ARMH4: variants seen among roughly 807,000 people sequenced by gnomAD.
ARMH4 encodes the protein armadillo-like helical domain-containing protein 4.
Under a neutral mutation model 61.9 loss-of-function variants are expected in ARMH4, and 49 were observed. The observed-to-expected ratio is 0.79, with a 90% CI of 0.63 to 1.00. The LOEUF (loss-of-function observed/expected upper bound fraction) is 1.00. ARMH4 is among the 50% of genes least tolerant of loss of function. The probability of loss-of-function intolerance (pLI) is 0.00; values close to 1 mark genes in which losing one functional copy is unlikely to be tolerated. For missense variants in ARMH4, 934 were observed against 930.0 expected, an observed-to-expected ratio of 1.00 and a Z score of -0.06; for synonymous variants, 368 against 341.5, an observed-to-expected ratio of 1.08 and a Z score of -0.85.
chr14:58,020,602 G>T (rs1450357971), intron 5 of ARMH4, among the ~76,000 whole-genome samples: 1 of 152,066 alleles, frequency 6.6e-6, no homozygotes, highest in Non-Finnish European at 1.5e-5. Flanking sequence ...GGTGTGTGTG[G>T]GGTGAGGGGA....
At position 58,139,128 on chromosome 14, in the gene ARMH4, C is replaced by A; in HGVS notation, c.231G>T (p.Met77Ile). The change falls in exon 2 of 8, where the codon ATG becomes ATT. Residue 77 changes from methionine to isoleucine, a missense_variant. Met to Ile is a conservative substitution (Grantham distance 10). Coordinates refer to ENST00000267485, the MANE Select transcript of ARMH4 (RefSeq NM_001001872.4). ...QLVVSEDPMM[M>I]SAVPSATSLN... Reference sequence around the variant, plus strand: ...ATGATGTTGCCGATGGTACTGCTGACATCATCATTGGATCTTCAGAGACCA... The same window carrying A: ...ATGATGTTGCCGATGGTACTGCTGAAATCATCATTGGATCTTCAGAGACCA... 6.2e-7 allele frequency: 1 copy of A among 1,614,248 alleles called. No individual in the cohort carries two copies. The highest frequency in any genetic ancestry group is 1.1e-5 in the South Asian group (1 of 91,086).
chr14:58,100,395 C>G (rs1440819570), intron 4 of ARMH4, among the ~76,000 whole-genome samples: 1 of 152,130 alleles, frequency 6.6e-6, no homozygotes, highest in Non-Finnish European at 1.5e-5. Flanking sequence ...CCACATTCAG[C>G]TGCTTGGGCG....
At chr14:58,098,500 G>A (rs1020598653) in intron 4 of ARMH4, among the ~76,000 whole-genome samples, 5 of 152,184 alleles carry the variant, frequency 3.3e-5, no homozygotes, top group East Asian at 3.8e-4. Flanking sequence ...GATAGAAAAC[G>A]CCAGGCACTG....
intron 5 of ARMH4, among the ~76,000 whole-genome samples, chr14:58,061,097 C>T (rs987034962): frequency 9.2e-5 from 14 of 152,154 alleles, no homozygotes; most frequent in Non-Finnish European, 1.6e-4. Flanking sequence ...TGAGCTCCAA[C>T]TCCGTGAGGC....
intron 6 of ARMH4, among the ~76,000 whole-genome samples, chr14:58,008,356 T>C (rs1882264357): frequency 6.6e-6 from 1 of 152,222 alleles, no homozygotes; most frequent in African/African-American, 2.4e-5. Flanking sequence ...TGCACCATTC[T>C]TACTCTTGTA....
At chr14:58,007,704 G>A (rs533459248) in intron 6 of ARMH4, among the ~76,000 whole-genome samples, 1 of 152,256 alleles carries the variant, frequency 6.6e-6, no homozygotes, top group African/African-American at 2.4e-5. Flanking sequence ...AAGACAACAT[G>A]CACACAGTTT....
chr14:58,023,803 G>A (rs1045440534), intron 5 of ARMH4, among the ~76,000 whole-genome samples: 2 of 152,184 alleles, frequency 1.3e-5, no homozygotes, highest in Non-Finnish European at 2.9e-5. Context: ...CATTGTATTA[G>A]TAGGCATAAA....
chr14:58,028,537 A>G (rs970905783), intron 5 of ARMH4, among the ~76,000 whole-genome samples: 5 of 152,100 alleles, frequency 3.3e-5, no homozygotes, highest in African/African-American at 1.2e-4. Flanking sequence ...CCTTTCGCTG[A>G]GGGGCAGCTT....
intron 5 of ARMH4, among the ~76,000 whole-genome samples, chr14:58,030,213 AC>A (rs945496234): frequency 1.3e-5 from 2 of 152,066 alleles, no homozygotes; most frequent in African/African-American, 4.8e-5. Flanking sequence ...TATTCCATTC[AC>A]CCATACTTCA....
At chr14:58,041,325 T>C (rs546063929) in intron 5 of ARMH4, among the ~76,000 whole-genome samples, 1 of 152,270 alleles carries the variant, frequency 6.6e-6, no homozygotes, top group Non-Finnish European at 1.5e-5. Context: ...CAACCCAGAA[T>C]TTCATATCCA....
chr14:58,137,172 A>T (rs927400576), intron 2 of ARMH4, among the ~76,000 whole-genome samples: 1 of 152,130 alleles, frequency 6.6e-6, no homozygotes, highest in Non-Finnish European at 1.5e-5. Flanking sequence ...GGGTTTTTCA[A>T]CCTCAGCGCT....
intron 5 of ARMH4, among the ~76,000 whole-genome samples, chr14:58,012,424 G>A (rs1882444427): frequency 6.6e-6 from 1 of 152,120 alleles, no homozygotes; most frequent in African/African-American, 2.4e-5. Context: ...TTAGTGGGGA[G>A]GTGTGGGCAA....
chr14:58,040,639 C>T (rs1165309343), intron 5 of ARMH4, among the ~76,000 whole-genome samples: 1 of 152,094 alleles, frequency 6.6e-6, no homozygotes, highest in Non-Finnish European at 1.5e-5. Context: ...GTACTTGTGT[C>T]TTTATGATAG....
chr14:58,115,894 C>T (rs1235881367), intron 4 of ARMH4, among the ~76,000 whole-genome samples: 1 of 152,076 alleles, frequency 6.6e-6, no homozygotes, highest in Non-Finnish European at 1.5e-5. Flanking sequence ...ACAACAGACA[C>T]TGGGGCCTAC....
rs565194059 is a variant in ARMH4 at position 58,028,539 on chromosome 14, G to A, written c.2090-16389C>T. Among the ~76,000 whole-genome samples the A allele has an allele frequency of 4.6e-5, 7 of 152,258 alleles. No homozygotes were observed. In the East Asian group the frequency reaches 1.4e-3, roughly 29 times the overall value. ...CTTTTCCAGACCTCCTTTCGCTGAG[G>A]GGCAGCTTTTCCAGGGTGCCATCTT... is the stretch of plus-strand genomic sequence containing the variant. On this transcript the variant is annotated intron_variant, in intron 5 of 7. Coordinates refer to ENST00000267485, the MANE Select transcript of ARMH4 (RefSeq NM_001001872.4).
chr14:58,117,738 G>C (rs180693400), intron 4 of ARMH4, among the ~76,000 whole-genome samples: 2 of 151,800 alleles, frequency 1.3e-5, no homozygotes, highest in East Asian at 3.9e-4. Context: ...AAGTTATGTC[G>C]TGTATATGTT....
In ARMH4 at chr14:58,130,710, G is replaced by A. The variant is rs376495070; in HGVS notation, c.1831+802C>T. Among the ~76,000 whole-genome samples, 339 of 152,298 alleles carry A rather than the reference G, an allele frequency of 2.2e-3. 1 individual carries two copies. The highest frequency in any genetic ancestry group is 7.3e-3 in the African/African-American group (303 of 41,556). On this transcript the variant is annotated intron_variant, in intron 4 of 7. Coordinates refer to ENST00000267485, the MANE Select transcript of ARMH4 (RefSeq NM_001001872.4). ...ATTTGGCATGAATTTCTTGGTCTTA[G>A]TAAATAAAGAGACTGCCTATCTCCA...
intron 4 of ARMH4, among the ~76,000 whole-genome samples, chr14:58,120,994 T>C (rs1363207912): frequency 6.6e-6 from 1 of 152,194 alleles, no homozygotes; most frequent in East Asian, 1.9e-4. Flanking sequence ...ATAAAACCCA[T>C]CTGATGAAAA....
At chr14:58,018,226 G>T (rs1247342326) in intron 5 of ARMH4, among the ~76,000 whole-genome samples, 1 of 151,970 alleles carries the variant, frequency 6.6e-6, no homozygotes, top group Non-Finnish European at 1.5e-5. Flanking sequence ...ATGATTTTTT[G>T]GCTATCACTC....
Sources: allele counts gnomAD v4.1 joint callset (sites outside exome capture counted in the v4.1 genomes callset), GRCh38; gene constraint gnomAD v4.1.1; transcripts MANE v1.5; gene names NCBI Gene and HGNC (gene_info 2026-07-23, HGNC 2026-07-21).